PRR16: variants seen among roughly 807,000 people sequenced by gnomAD.
PRR16 encodes the protein proline rich 16.
PRR16 carries 6 observed loss-of-function variants against 18.2 expected under a neutral mutation model. That is an observed-to-expected ratio of 0.33 (90% confidence interval 0.18 to 0.65). PRR16 has a LOEUF of 0.65. Ranked by LOEUF, PRR16 falls within the 30% of genes least tolerant of loss-of-function variation. PRR16 has a pLI of 0.74. For missense variants in PRR16, 412 were observed against 376.6 expected, an observed-to-expected ratio of 1.09 and a Z score of -0.78; for synonymous variants, 151 against 147.8, an observed-to-expected ratio of 1.02 and a Z score of -0.16.
chr5:120,491,805 A>C (rs1291953574), intron 1 of PRR16, among the ~76,000 whole-genome samples: 1 of 152,112 alleles, frequency 6.6e-6, no homozygotes, highest in East Asian at 1.9e-4. Context: ...TGGCCTCCCA[A>C]AGTGCTGAGA....
At chr5:120,766,513 A>G in the PRR16 span, among the ~76,000 whole-genome samples, 1 of 151,802 alleles carries the variant, frequency 6.6e-6, no homozygotes, top group African/African-American at 2.4e-5. Flanking sequence ...ATACATTGCA[A>G]ACATCTTTCT....
the PRR16 span, among the ~76,000 whole-genome samples, chr5:120,752,988 T>TAAA: frequency 6.8e-6 from 1 of 146,670 alleles, no homozygotes; most frequent in Admixed American, 6.9e-5. Context: ...ATATTATTGA[T>TAAA]GTCAAATGTC....
intron 1 of PRR16, among the ~76,000 whole-genome samples, chr5:120,623,357 A>G (rs564470938): frequency 9.2e-5 from 14 of 152,300 alleles, no homozygotes; most frequent in Admixed American, 3.3e-4. Context: ...GATTCTACCT[A>G]TATAAATAAA....
chr5:120,514,070 T>G (rs1351827453), intron 1 of PRR16, among the ~76,000 whole-genome samples: 1 of 152,152 alleles, frequency 6.6e-6, no homozygotes, highest in Admixed American at 6.5e-5. Context: ...ATCTGTTTTA[T>G]TCATTATCAT....
chr5:120,622,477 ATATT>A (rs1005038113), intron 1 of PRR16, among the ~76,000 whole-genome samples: 5 of 150,408 alleles, frequency 3.3e-5, no homozygotes, highest in Non-Finnish European at 5.9e-5. Context: ...TATTTATTTT[ATATT>A]TATTTATTTA....
At chr5:120,576,105 G>C (rs943852995) in intron 1 of PRR16, among the ~76,000 whole-genome samples, 1 of 152,064 alleles carries the variant, frequency 6.6e-6, no homozygotes, top group Non-Finnish European at 1.5e-5. Flanking sequence ...CCATGACATT[G>C]GTCTAGGCAA....
chr5:120,492,255 AGTGTGTGTGTGTGTGTGT>A (rs3991307), intron 1 of PRR16, among the ~76,000 whole-genome samples: 10 of 138,062 alleles, frequency 7.2e-5, no homozygotes, highest in African/African-American at 8.1e-5. Flanking sequence ...CGCTAATTTG[AGTGTGTGTGTGTGTGTGT>A]GTGTGTGTGT....
At chr5:120,500,637 T>G (rs1750418085) in intron 1 of PRR16, among the ~76,000 whole-genome samples, 1 of 152,222 alleles carries the variant, frequency 6.6e-6, no homozygotes, top group Non-Finnish European at 1.5e-5. Flanking sequence ...AAGCATTTAT[T>G]CTTGATTTCT....
In PRR16 at chr5:120,604,633, T is replaced by G. The variant is rs1481116731; in HGVS notation, c.160-81321T>G. Among the ~76,000 whole-genome samples, 3 of 152,136 alleles carry G rather than the reference T, an allele frequency of 2.0e-5. 1 individual carries two copies. The highest frequency in any genetic ancestry group is 7.2e-5 in the African/African-American group (3 of 41,442). On this transcript the variant is annotated intron_variant, in intron 1 of 1. Transcript: ENST00000407149. ...ATGTAGCCTTGATTGTATAGTTGCT[T>G]TATAGTGTCAGTGGGGTATGTACTT...
chr5:120,613,743 A>G (rs572668477), intron 1 of PRR16, among the ~76,000 whole-genome samples: 118 of 152,298 alleles, frequency 7.7e-4, no homozygotes, highest in Middle Eastern at 3.4e-3. Flanking sequence ...GATGATGGCC[A>G]CTAATAATGA....
intron 1 of PRR16, among the ~76,000 whole-genome samples, chr5:120,517,536 T>C (rs1369698639): frequency 6.6e-6 from 1 of 152,202 alleles, no homozygotes; most frequent in Non-Finnish European, 1.5e-5. Context: ...ACATAAATCG[T>C]AAGGAAAGAA....
intron 1 of PRR16, among the ~76,000 whole-genome samples, chr5:120,495,981 A>T (rs1173984726): frequency 2.0e-5 from 3 of 151,978 alleles, no homozygotes; most frequent in African/African-American, 7.2e-5. Context: ...CAACTTAAAG[A>T]AGTTTCTCAG....
intron 1 of PRR16, among the ~76,000 whole-genome samples, chr5:120,628,429 G>A (rs1754938318): frequency 1.3e-5 from 2 of 151,938 alleles, no homozygotes; most frequent in South Asian, 4.2e-4. Flanking sequence ...GTGGGATAAT[G>A]GATTCTGTTT....
the PRR16 span, among the ~76,000 whole-genome samples, chr5:120,723,129 G>A: frequency 6.6e-6 from 1 of 151,902 alleles, no homozygotes; most frequent in Non-Finnish European, 1.5e-5. Context: ...CATCATTGTA[G>A]TTCATTCTAT....
At chr5:120,694,897 T>TA in the PRR16 span, among the ~76,000 whole-genome samples, 3 of 152,232 alleles carry the variant, frequency 2.0e-5, no homozygotes, top group East Asian at 1.9e-4. Context: ...TCTTTTGTTT[T>TA]AAAAAAATAT....
rs556056742 is a variant in PRR16, at chr5:120,560,848, A to G, written c.159+96203A>G. ...AGGTTATGGATTTCTTACTGGTTCA[A>G]TCTTGGTAGGTTGTATGTGTCTAGG... On this transcript the variant is annotated intron_variant, in intron 1 of 1. Coordinates refer to ENST00000407149, the MANE Select transcript of PRR16 (RefSeq NM_001300783.2). Among the ~76,000 whole-genome samples, 82 of 152,064 alleles carry G rather than the reference A, an allele frequency of 5.4e-4. 1 individual carries two copies. In the South Asian group the frequency reaches 0.016, roughly 30 times the overall value.
At chr5:120,521,480 T>C (rs948924129) in intron 1 of PRR16, among the ~76,000 whole-genome samples, 2 of 152,138 alleles carry the variant, frequency 1.3e-5, no homozygotes, top group Non-Finnish European at 2.9e-5. Flanking sequence ...TGCTGATCTT[T>C]ATGGGGCTCA....
At chr5:120,571,066 G>A (rs939170568) in intron 1 of PRR16, among the ~76,000 whole-genome samples, 3 of 152,082 alleles carry the variant, frequency 2.0e-5, no homozygotes, top group African/African-American at 7.2e-5. Flanking sequence ...CTTAGAAGAC[G>A]GCATTTGAGC....
chr5:120,510,068 G>A (rs962729140), intron 1 of PRR16, among the ~76,000 whole-genome samples: 1 of 152,094 alleles, frequency 6.6e-6, no homozygotes, highest in African/African-American at 2.4e-5. Context: ...AAGAGTTAAA[G>A]GTCCTTAGGT....
Sources: gnomAD v4.1 joint callset for allele counts (sites outside exome capture counted in the v4.1 genomes callset) on GRCh38, gnomAD v4.1.1 for gene constraint, MANE v1.5 for transcripts, NCBI Gene and HGNC (gene_info 2026-07-23, HGNC 2026-07-21) for gene names.